The following ARID1B variants were observed in gnomAD, a reference collection of about 807,000 sequenced individuals.
The protein encoded by ARID1B is AT-rich interactive domain-containing protein 1B.
A neutral mutation model predicts 212.3 loss-of-function variants in ARID1B; 30 were observed. The observed-to-expected ratio is 0.14, with a 90% confidence interval of 0.11 to 0.19. ARID1B has a LOEUF of 0.19. Among genes scored for constraint, ARID1B ranks in the 10% least tolerant of loss-of-function variants. The pLI is 1.00. For missense variants in ARID1B, 2,891 were observed against 3,204.0 expected (o/e 0.90, Z 2.36); for synonymous variants, 1,402 against 1,301.7 (o/e 1.08, Z -1.66).
intron 6 of ARID1B, among the ~76,000 whole-genome samples, chr6:157,127,794 A>C (rs1345001419): frequency 4.1e-5 from 5 of 122,312 alleles, no homozygotes; most frequent in South Asian, 2.2e-4. Context: ...AAAAAAAAAA[A>C]AAAAAAAAAA....
intron 3 of ARID1B, among the ~76,000 whole-genome samples, chr6:156,915,905 A>AG (rs1790317213): frequency 1.3e-5 from 2 of 152,188 alleles, no homozygotes; most frequent in Non-Finnish European, 2.9e-5. Flanking sequence ...TCAAAAAAAA[A>AG]AAAGCCCCAC....
chr6:157,178,272 G>A (rs1241661437), intron 11 of ARID1B, among the ~76,000 whole-genome samples: 1 of 151,768 alleles, frequency 6.6e-6, no homozygotes, highest in Non-Finnish European at 1.5e-5. Context: ...AATCACTCAT[G>A]GAAAAAAAAA....
chr6:156,981,648 C>T (rs2128378226), intron 4 of ARID1B, among the ~76,000 whole-genome samples: 1 of 152,284 alleles, frequency 6.6e-6, no homozygotes, highest in Non-Finnish European at 1.5e-5. Context: ...CAATGTCCTA[C>T]CCATCTAATC....
intron 15 of ARID1B, among the ~76,000 whole-genome samples, chr6:157,191,724 A>G (rs1793389223): frequency 6.6e-6 from 1 of 152,204 alleles, no homozygotes; most frequent in South Asian, 2.1e-4. Context: ...AGTGCATTCA[A>G]GGCCTGTGAA....
At chr6:156,789,241 G>A (rs1779856832) in intron 1 of ARID1B, among the ~76,000 whole-genome samples, 1 of 152,176 alleles carries the variant, frequency 6.6e-6, no homozygotes, top group African/African-American at 2.4e-5. Flanking sequence ...TTTGGATTTT[G>A]TATTGGGTGT....
intron 4 of ARID1B, among the ~76,000 whole-genome samples, chr6:157,076,498 T>C (rs1784319072): frequency 1.5e-5 from 2 of 134,536 alleles, no homozygotes; most frequent in Non-Finnish European, 3.5e-5. Context: ...TTTATAAGCA[T>C]TTTACTGCTA....
chr6:157,069,214 T>G (rs1783865735), intron 4 of ARID1B, among the ~76,000 whole-genome samples: 1 of 152,246 alleles, frequency 6.6e-6, no homozygotes, highest in African/African-American at 2.4e-5. Flanking sequence ...GAGCATAGGT[T>G]AGCTGTCACA....
chr6:157,013,718 T>C (rs1779746167), intron 4 of ARID1B, among the ~76,000 whole-genome samples: 1 of 152,292 alleles, frequency 6.6e-6, no homozygotes, highest in East Asian at 1.9e-4. Flanking sequence ...TGGACTTACC[T>C]TTTTTTCTGT....
At chr6:156,936,794 A>C (rs1373167823) in intron 4 of ARID1B, 4 of 152,106 alleles carry the variant, frequency 2.6e-5, no homozygotes, top group African/African-American at 4.8e-5. Flanking sequence ...CCATGATTTT[A>C]ATTGGAATTT....
At chr6:156,832,559 A>G (rs1246417825) in intron 2 of ARID1B, among the ~76,000 whole-genome samples, 2 of 152,222 alleles carry the variant, frequency 1.3e-5, no homozygotes, top group Non-Finnish European at 2.9e-5. Context: ...CAGGATTAAA[A>G]TGCAGGAATT....
chr6:157,050,813 T>A (rs926197572), intron 4 of ARID1B, among the ~76,000 whole-genome samples: 1 of 152,248 alleles, frequency 6.6e-6, no homozygotes, highest in East Asian at 1.9e-4. Context: ...TAATAGTATG[T>A]GCAAACATCG....
In ARID1B at chr6:156,816,651, G is replaced by A. The variant is rs146956688; in HGVS notation, c.1792-12576G>A. ...TGGTATTTCCCCAGGCTGGAAGTGC[G>A]TCTTCCGTTTACAGGGCAGCCACAG... On this transcript the variant is annotated intron_variant, in intron 1 of 19. Transcript: ENST00000636930. 5.9e-5 allele frequency among the ~76,000 whole-genome samples: 9 copies of A among 152,286 alleles called. No homozygotes were observed. The East Asian group carries it at 7.7e-4, about 13-fold the overall frequency.
intron 1 of ARID1B, among the ~76,000 whole-genome samples, chr6:156,817,899 A>G (rs1782079439): frequency 6.6e-6 from 1 of 151,934 alleles, no homozygotes; most frequent in Non-Finnish European, 1.5e-5. Flanking sequence ...TTCAGGGTGT[A>G]TTTCCTAGGA....
chr6:157,055,666 A>C (rs959243362), intron 4 of ARID1B, among the ~76,000 whole-genome samples: 1 of 152,246 alleles, frequency 6.6e-6, no homozygotes, highest in African/African-American at 2.4e-5. Context: ...CAAATTCAGC[A>C]GTTTAAAACT....
At chr6:156,983,107 A>G (rs1777708912) in intron 4 of ARID1B, among the ~76,000 whole-genome samples, 1 of 151,760 alleles carries the variant, frequency 6.6e-6, no homozygotes, top group Non-Finnish European at 1.5e-5. Context: ...AAAAAAAAAA[A>G]GAAAAAAAAG....
chr6:156,837,952 C>T (rs1783627777), intron 2 of ARID1B, among the ~76,000 whole-genome samples: 1 of 152,128 alleles, frequency 6.6e-6, no homozygotes, highest in Non-Finnish European at 1.5e-5. Context: ...ACATCCCTTG[C>T]CTGCTTAAAT....
At chr6:157,049,762 C>T (rs1782468146) in intron 4 of ARID1B, among the ~76,000 whole-genome samples, 1 of 152,110 alleles carries the variant, frequency 6.6e-6, no homozygotes, top group Non-Finnish European at 1.5e-5. Context: ...AAGAAGTATT[C>T]TAAAATTAAT....
At chr6:156,910,066 C>G (rs898217402) in intron 3 of ARID1B, among the ~76,000 whole-genome samples, 1 of 152,216 alleles carries the variant, frequency 6.6e-6, no homozygotes, top group African/African-American at 2.4e-5. Flanking sequence ...TCATTTCTGA[C>G]TGACTTGGTC....
chr6:156,876,705 A>G (rs1051866912), intron 2 of ARID1B, among the ~76,000 whole-genome samples: 3 of 152,060 alleles, frequency 2.0e-5, no homozygotes, highest in Non-Finnish European at 4.4e-5. Flanking sequence ...CATAGCCTTT[A>G]CCCAAGTTGA....
Sources: gnomAD v4.1 joint callset for allele counts (sites outside exome capture counted in the v4.1 genomes callset) on GRCh38, gnomAD v4.1.1 for gene constraint, MANE v1.5 for transcripts, NCBI Gene and HGNC (gene_info 2026-07-23, HGNC 2026-07-21) for gene names.